The following STPG2 variants were observed in gnomAD, a reference collection of about 807,000 sequenced individuals.
STPG2 encodes sperm-tail PG-rich repeat-containing protein 2.
A neutral mutation model predicts 54.2 loss-of-function variants in STPG2; 56 were observed. The ratio of observed to expected loss-of-function variants is 1.03; its 90% CI spans 0.83 to 1.29. The LOEUF (loss-of-function observed/expected upper bound fraction) is 1.29. STPG2 is among the 50% of genes most tolerant of loss of function. STPG2 has a pLI of 0.00. For synonymous variants in STPG2, 200 were observed against 181.8 expected (o/e 1.10, Z -0.81); for missense variants, 596 against 544.9 (o/e 1.09, Z -0.93).
At chr4:98,130,105 C>T (rs1458257362) in intron 2 of STPG2, among the ~76,000 whole-genome samples, 1 of 151,958 alleles carries the variant, frequency 6.6e-6, no homozygotes, top group Non-Finnish European at 1.5e-5. Context: ...GGTGATCCGC[C>T]CACCTCAGCC....
chr4:97,866,946 A>C (rs936660270), intron 8 of STPG2, among the ~76,000 whole-genome samples: 3 of 151,952 alleles, frequency 2.0e-5, no homozygotes, highest in African/African-American at 7.2e-5. Flanking sequence ...CTGATCAAGC[A>C]GCAGTAGCTA....
chr4:98,048,620 T>A, intron 5 of STPG2: 1 of 166,290 alleles, frequency 6.0e-6, no homozygotes. Flanking sequence ...CGGAGGAGAG[T>A]GGCATGCAGC....
chr4:97,749,098 T>C (rs577090621), intron 9 of STPG2, among the ~76,000 whole-genome samples: 1 of 151,752 alleles, frequency 6.6e-6, no homozygotes, highest in Non-Finnish European at 1.5e-5. Flanking sequence ...GACTTCAAAT[T>C]AGTGTGTGCA....
At chr4:98,081,328 A>G (rs1738335891) in intron 5 of STPG2, among the ~76,000 whole-genome samples, 1 of 152,202 alleles carries the variant, frequency 6.6e-6, no homozygotes, top group South Asian at 2.1e-4. Context: ...CTTCAAAGTC[A>G]GAAGATACAG....
chr4:97,543,180 A>G (rs1192183473), intron 4 of STPG2, among the ~76,000 whole-genome samples: 3 of 151,218 alleles, frequency 2.0e-5, no homozygotes, highest in East Asian at 1.9e-4. Flanking sequence ...TCCTACATCA[A>G]TGGTCTGGGG....
At chr4:97,574,454 T>C (rs911306813) in intron 10 of STPG2, among the ~76,000 whole-genome samples, 1 of 151,484 alleles carries the variant, frequency 6.6e-6, no homozygotes, top group Admixed American at 6.6e-5. Flanking sequence ...AAAAAAAAAG[T>C]ATGATTGGCA....
intron 8 of STPG2, among the ~76,000 whole-genome samples, chr4:97,873,160 T>C (rs186559816): frequency 1.3e-4 from 20 of 151,400 alleles, no homozygotes; most frequent in African/African-American, 4.8e-4. Context: ...TCAATTTAAT[T>C]CTAGTTTTCT....
intron 10 of STPG2, among the ~76,000 whole-genome samples, chr4:97,596,719 G>GA (rs1454346033): frequency 6.6e-6 from 1 of 151,926 alleles, no homozygotes; most frequent in Non-Finnish European, 1.5e-5. Flanking sequence ...AAACTAATGA[G>GA]AAAAAAAGAT....
chr4:97,814,849 C>T lies in STPG2; in HGVS notation c.1204+25924G>A, dbSNP rs144154763. 4.2e-3 allele frequency among the ~76,000 whole-genome samples: 646 copies of T among 152,210 alleles called. 4 individuals are homozygous for T. The highest frequency in any genetic ancestry group is 0.024 in the South Asian group (116 of 4,812). On this transcript the variant is annotated intron_variant, in intron 9 of 10. Coordinates refer to ENST00000295268, the MANE Select transcript of STPG2 (RefSeq NM_174952.3). ...GTCCAAGTTCTTCAGCTTTGGGATT[C>T]GGACTGACTTCCGTGCTCTTCAGCT...
intron 1 of STPG2, among the ~76,000 whole-genome samples, chr4:98,141,925 TC>T (rs1740292591): frequency 8.0e-6 from 1 of 125,256 alleles, no homozygotes; most frequent in Admixed American, 8.9e-5. Context: ...CAGACACTCT[TC>T]CAAGACAGTA....
chr4:98,078,247 T>C, intron 5 of STPG2, among the ~76,000 whole-genome samples: 1 of 152,202 alleles, frequency 6.6e-6, no homozygotes, highest in East Asian at 1.9e-4. Flanking sequence ...ATCTGGTCCT[T>C]TGTTATCATT....
At chr4:97,777,895 A>G (rs996056887) in intron 9 of STPG2, among the ~76,000 whole-genome samples, 5 of 152,160 alleles carry the variant, frequency 3.3e-5, no homozygotes, top group Admixed American at 6.5e-5. Context: ...ATTACTATCT[A>G]TCAATGTTCT....
At chr4:98,117,475 T>C (rs1384811391) in intron 3 of STPG2, among the ~76,000 whole-genome samples, 1 of 152,026 alleles carries the variant, frequency 6.6e-6, no homozygotes, top group Non-Finnish European at 1.5e-5. Context: ...AAATTTGGGA[T>C]GTTTTCAGCC....
chr4:97,691,579 T>G (rs1723367410), intron 10 of STPG2, among the ~76,000 whole-genome samples: 1 of 152,050 alleles, frequency 6.6e-6, no homozygotes, highest in Non-Finnish European at 1.5e-5. Flanking sequence ...CACCTGATGA[T>G]CTTTCTCTAC....
chr4:97,829,151 C>G (rs79980450), intron 9 of STPG2, among the ~76,000 whole-genome samples: 1 of 152,098 alleles, frequency 6.6e-6, no homozygotes. Flanking sequence ...GGGTGCCCCT[C>G]TGGGACGAAG....
intron 5 of STPG2, among the ~76,000 whole-genome samples, chr4:98,052,197 C>A (rs1384747216): frequency 2.0e-5 from 3 of 152,056 alleles, no homozygotes; most frequent in Non-Finnish European, 2.9e-5. Context: ...AACCCTCTAT[C>A]CCCAGAAGCC....
chr4:97,946,867 C>G (rs1259131690), intron 7 of STPG2, among the ~76,000 whole-genome samples: 1 of 152,234 alleles, frequency 6.6e-6, no homozygotes, highest in East Asian at 1.9e-4. Flanking sequence ...ATTGCTTTGG[C>G]TAAGCAGGCT....
chr4:98,120,803 T>C (rs1739656852), intron 3 of STPG2, among the ~76,000 whole-genome samples: 1 of 152,230 alleles, frequency 6.6e-6, no homozygotes, highest in South Asian at 2.1e-4. Context: ...CTTTGGATAT[T>C]AGACCTCTGT....
intron 5 of STPG2, among the ~76,000 whole-genome samples, chr4:97,982,085 C>T (rs1387459240): frequency 2.6e-5 from 4 of 151,704 alleles, no homozygotes; most frequent in South Asian, 2.1e-4. Flanking sequence ...GGGGTTTCAC[C>T]GTGTTAGCCA....
Sources: allele counts gnomAD v4.1 joint callset (sites outside exome capture counted in the v4.1 genomes callset), GRCh38; gene constraint gnomAD v4.1.1; transcripts MANE v1.5; gene names NCBI Gene and HGNC (gene_info 2026-07-23, HGNC 2026-07-21).